Variants in ARHGAP26 observed in about 807,000 individuals in gnomAD.
ARHGAP26 encodes rho GTPase-activating protein 26.
Under a neutral mutation model 104.8 loss-of-function variants are expected in ARHGAP26, and 38 were observed. The ratio of observed to expected loss-of-function variants is 0.36; its 90% CI spans 0.28 to 0.48. The LOEUF (loss-of-function observed/expected upper bound fraction) is 0.48, where lower values mean the gene tolerates loss of function less well. Ranked by LOEUF, ARHGAP26 falls within the 20% of genes least tolerant of loss-of-function variation. The pLI is 0.99. For synonymous variants in ARHGAP26, 341 were observed against 340.0 expected, an observed-to-expected ratio of 1.00 and a Z score of -0.03; for missense variants, 704 against 947.9, an observed-to-expected ratio of 0.74 and a Z score of 3.38.
chr5:143,162,104 G>C (rs1187016660), intron 20 of ARHGAP26, among the ~76,000 whole-genome samples: 1 of 152,006 alleles, frequency 6.6e-6, no homozygotes, highest in Admixed American at 6.6e-5. Flanking sequence ...TGAAGCACAA[G>C]AGAGATTTCT....
At chr5:143,006,961 G>A (rs1370638057) in intron 11 of ARHGAP26, among the ~76,000 whole-genome samples, 1 of 152,072 alleles carries the variant, frequency 6.6e-6, no homozygotes, top group African/African-American at 2.4e-5. Context: ...TGGGCACAGT[G>A]GCTCATGCCT....
chr5:143,013,635 G>A (rs1779186225), intron 11 of ARHGAP26, among the ~76,000 whole-genome samples: 1 of 152,094 alleles, frequency 6.6e-6, no homozygotes, highest in Admixed American at 6.5e-5. Flanking sequence ...ACCCCTCTAG[G>A]CTTCATATTC....
At chr5:143,221,553 G>T (rs768377962) in intron 22 of ARHGAP26, among the ~76,000 whole-genome samples, 1 of 152,074 alleles carries the variant, frequency 6.6e-6, no homozygotes, top group South Asian at 2.1e-4. Context: ...TTGCTCTGTC[G>T]CCCAGGCTGG....
intron 11 of ARHGAP26, chr5:142,947,118 A>AAAAAG (rs1336588621): frequency 1.5e-4 from 21 of 144,594 alleles, no homozygotes; most frequent in African/African-American, 5.5e-4. Flanking sequence ...AAAAAAAAAA[A>AAAAAG]AGAGAGAGAG....
intron 11 of ARHGAP26, among the ~76,000 whole-genome samples, chr5:142,941,947 C>CA (rs1766413129): frequency 6.6e-6 from 1 of 152,088 alleles, no homozygotes. Context: ...GATTGTCCAG[C>CA]AGTCACTTTG....
intron 19 of ARHGAP26, among the ~76,000 whole-genome samples, chr5:143,146,592 A>G (rs1799184839): frequency 6.6e-6 from 1 of 152,248 alleles, no homozygotes; most frequent in Non-Finnish European, 1.5e-5. Context: ...TTTATAGGCA[A>G]ACCATTCTGC....
chr5:142,933,547 C>T (rs1159187324), intron 11 of ARHGAP26, among the ~76,000 whole-genome samples: 3 of 152,126 alleles, frequency 2.0e-5, no homozygotes, highest in Non-Finnish European at 2.9e-5. Flanking sequence ...GGGAGGAGTC[C>T]ATGCCTAGTA....
chr5:142,798,036 C>T (rs1761340872), intron 1 of ARHGAP26, among the ~76,000 whole-genome samples: 1 of 152,158 alleles, frequency 6.6e-6, no homozygotes, highest in Non-Finnish European at 1.5e-5. Flanking sequence ...CAGTGGTCCC[C>T]ATTTAGGGGC....
rs569480109 is a variant in ARHGAP26 at position 143,124,323 on chromosome 5, G to A, written c.1698+3176G>A. On this transcript the variant is annotated intron_variant, in intron 18 of 22. Coordinates refer to ENST00000645722, the MANE Select transcript of ARHGAP26 (RefSeq NM_001135608.3). ...GGAGCCACTCCATTGACGGAGAGAC[G>A]AAGAGAGCCATGAGATGTTTTAATT... Among the ~76,000 whole-genome samples the A allele has an allele frequency of 2.9e-4, 44 of 152,340 alleles. No individual in the cohort carries two copies. The East Asian group carries it at 7.1e-3, about 25-fold the overall frequency.
Position 142,997,417 on chromosome 5 carries a change from G to A in ARHGAP26, c.1108-16663G>A, listed in dbSNP as rs149770980. Among the ~76,000 whole-genome samples, 500 of 151,958 alleles carry A rather than the reference G, an allele frequency of 3.3e-3. 2 individuals carry two copies. Among genetic ancestry groups the A allele is most frequent in the African/African-American group, 0.011 (469 of 41,452 alleles). ...ATCATTTTCCTTTTTCTTTTCTTGA[G>A]GGGTTGGTGGGGACAGGGTTTTGCT... is the stretch of plus-strand genomic sequence containing the variant. On this transcript the variant is annotated intron_variant, in intron 11 of 22. Transcript: ENST00000645722.
rs190105301 is a variant in ARHGAP26, at chr5:143,181,678, C to T, written c.1989-25520C>T. Among the ~76,000 whole-genome samples the T allele has an allele frequency of 2.9e-3, 437 of 152,296 alleles. 1 individual carries two copies. The highest frequency in any genetic ancestry group is 9.7e-3 in the African/African-American group (402 of 41,562). On this transcript the variant is annotated intron_variant, in intron 20 of 22. Coordinates refer to ENST00000645722, the MANE Select transcript of ARHGAP26 (RefSeq NM_001135608.3). ...GAATGAGTAAACAAATGAATTACAC[C>T]GGAATAGATTTCTGGACAATTCATT...
At chr5:143,121,901 C>T (rs1372606039) in intron 18 of ARHGAP26, among the ~76,000 whole-genome samples, 1 of 152,152 alleles carries the variant, frequency 6.6e-6, no homozygotes, top group Non-Finnish European at 1.5e-5. Flanking sequence ...AGCAACAAAT[C>T]TGGAATCTAA....
At chr5:142,847,039 C>T (rs1772108811) in intron 1 of ARHGAP26, among the ~76,000 whole-genome samples, 2 of 151,694 alleles carry the variant, frequency 1.3e-5, no homozygotes, top group African/African-American at 4.8e-5. Flanking sequence ...TGTGGGGCTG[C>T]CAGAGTGAGA....
chr5:143,108,125 G>A (rs980572507), intron 17 of ARHGAP26, among the ~76,000 whole-genome samples: 5 of 152,186 alleles, frequency 3.3e-5, no homozygotes, highest in African/African-American at 1.2e-4. Context: ...TAATGATTTA[G>A]TGCAGCAAGG....
rs1811862048 is a variant in ARHGAP26, at chr5:143,228,938, T to G, written c.*6492T>G. On this transcript the variant is annotated 3_prime_UTR_variant, in exon 23 of 23. Coordinates refer to ENST00000645722, the MANE Select transcript of ARHGAP26 (RefSeq NM_001135608.3). Reference sequence around the variant, plus strand: ...TTGGCTTTCTTACATGTGGTTGGTTTATGTGACAATCCCTATGAAATGAGT... The same window carrying G: ...TTGGCTTTCTTACATGTGGTTGGTTGATGTGACAATCCCTATGAAATGAGT... The G allele has an allele frequency of 5.3e-6, 1 of 187,518 alleles. No homozygotes were observed. The highest frequency in any genetic ancestry group is 2.3e-5 in the African/African-American group (1 of 42,918). 11.6% of individuals were successfully genotyped at this position (187,518 alleles called of 1,614,324 possible).
At chr5:143,002,024 T>C (rs1354957619) in intron 11 of ARHGAP26, among the ~76,000 whole-genome samples, 10 of 152,220 alleles carry the variant, frequency 6.6e-5, no homozygotes, top group Non-Finnish European at 1.5e-5. Flanking sequence ...ACATTCACCT[T>C]CTGCCTCTCC....
Position 143,108,531 on chromosome 5 carries a change from G to GTC in ARHGAP26, c.1539-12457_1539-12456insTC, listed in dbSNP as rs368069584. 1.9e-3 allele frequency among the ~76,000 whole-genome samples: 283 copies of GTC among 152,270 alleles called. 2 individuals are homozygous for GTC. Among genetic ancestry groups the GTC allele is most frequent in the Middle Eastern group, 6.8e-3 (2 of 294 alleles). On this transcript the variant is annotated intron_variant, in intron 17 of 22. Transcript: ENST00000645722. ...TTTGTCAATTCCAGTCACTTTGGTA[G>GTC]ACTGGCCCTTGAAATAAAGCTAACG...
At chr5:142,844,276 C>T (rs1158042750) in intron 1 of ARHGAP26, among the ~76,000 whole-genome samples, 1 of 151,892 alleles carries the variant, frequency 6.6e-6, no homozygotes, top group Admixed American at 6.5e-5. Flanking sequence ...GTCTCAAACT[C>T]CTGACCTCAG....
chr5:143,130,836 C>G (rs899210103), intron 18 of ARHGAP26, among the ~76,000 whole-genome samples: 3 of 152,248 alleles, frequency 2.0e-5, no homozygotes, highest in African/African-American at 7.2e-5. Context: ...TTTGTGTCGT[C>G]TGCCCTGACT....
Sources: allele counts gnomAD v4.1 joint callset (sites outside exome capture counted in the v4.1 genomes callset), GRCh38; gene constraint gnomAD v4.1.1; transcripts MANE v1.5; gene names NCBI Gene and HGNC (gene_info 2026-07-23, HGNC 2026-07-21).